WDR20: variants seen among roughly 807,000 people sequenced by gnomAD.
WDR20 encodes WD repeat domain 20, also known as WD repeat-containing protein 20.
WDR20 carries 3 observed loss-of-function variants against 38.7 expected under a neutral mutation model. The ratio of observed to expected loss-of-function variants is 0.08; its 90% CI spans 0.04 to 0.20. The LOEUF is 0.20. WDR20 is among the 10% of genes least tolerant of loss of function. The probability of loss-of-function intolerance (pLI) is 1.00; values close to 1 mark genes in which losing one functional copy is unlikely to be tolerated. For synonymous variants in WDR20, 298 were observed against 285.6 expected (o/e 1.04, Z -0.44); for missense variants, 559 against 727.7 (o/e 0.77, Z 2.67).
At position 102,140,005 on chromosome 14, in the gene WDR20, C is replaced by T. The variant is rs200731683; in HGVS notation, c.82C>T (p.Pro28Ser). 3.0e-4 allele frequency: 491 copies of T among 1,614,252 alleles called. 1 individual carries two copies. The highest frequency in any genetic ancestry group is 7.0e-5 in the Non-Finnish European group (83 of 1,180,034). Residue 28 changes from proline to serine, a missense_variant, in exon 1 of 3, where the codon CCG becomes TCG. Physicochemically the swap from Pro to Ser is moderately conservative, Grantham distance 74. Transcript: ENST00000342702. Reference sequence around the variant, plus strand: ...CCGGGAAGGTCTGTACAAGCTGCTGCCGCACTCGGAGTACAGCCGGCCCAA... The same window carrying T: ...CCGGGAAGGTCTGTACAAGCTGCTGTCGCACTCGGAGTACAGCCGGCCCAA... ...TTREGLYKLL[P>S]HSEYSRPNRV...
chr14:102,199,063 C>A (rs1464439960), intron 2 of WDR20, among the ~76,000 whole-genome samples: 1 of 152,048 alleles, frequency 6.6e-6, no homozygotes, highest in African/African-American at 2.4e-5. Flanking sequence ...GGTCTGAGGC[C>A]TGATTATACT....
chr14:102,208,937 G>T lies in WDR20; in HGVS notation c.767G>T (p.Gly256Val), dbSNP rs758155954. 1.2e-6 allele frequency: 2 copies of T among 1,614,212 alleles called. No individual in the cohort carries two copies. Among genetic ancestry groups the T allele is most frequent in the African/African-American group, 1.3e-5 (1 of 75,046 alleles). Residue 256 changes from glycine (G) to valine (V), a missense_variant, in exon 3 of 3, where the codon GGT becomes GTT. Transcript: ENST00000342702. The surrounding 1 kb of genome is among the most constrained non-coding windows in gnomAD (Gnocchi z 5.6). ...AACTTTGACTCAGTGGAGCTGCACG[G>T]TACGATGAAAAGCTACTTTGGGGGC... The part of the protein sequence containing the change: ...VFNFDSVELH[G>V]TMKSYFGGLL...
chr14:102,153,223 T>C (rs2056507714), intron 1 of WDR20, among the ~76,000 whole-genome samples: 1 of 152,274 alleles, frequency 6.6e-6, no homozygotes, highest in East Asian at 1.9e-4. Flanking sequence ...TGAAAGCTTC[T>C]TGAGGCCTCA....
downstream of WDR20, chr14:102,210,554 T>C (rs2062347681): frequency 2.0e-6 from 2 of 985,418 alleles, no homozygotes; most frequent in African/African-American, 1.7e-5. Flanking sequence ...TGATTGAGGT[T>C]CTGTGTACTA....
intron 1 of WDR20, among the ~76,000 whole-genome samples, chr14:102,168,557 C>T (rs1259566451): frequency 1.3e-5 from 2 of 152,114 alleles, no homozygotes; most frequent in Admixed American, 6.6e-5. Flanking sequence ...AAAATGGCTG[C>T]AGCTTCCCAG....
At chr14:102,163,978 G>A (rs1461342889) in intron 1 of WDR20, among the ~76,000 whole-genome samples, 2 of 152,148 alleles carry the variant, frequency 1.3e-5, no homozygotes, top group South Asian at 2.1e-4. Flanking sequence ...TAGCAAGACT[G>A]AAGGCATTAT....
downstream of WDR20, among the ~76,000 whole-genome samples, chr14:102,210,755 G>A (rs939310048): frequency 5.3e-5 from 8 of 152,068 alleles, no homozygotes; most frequent in Non-Finnish European, 1.0e-4. Context: ...GGTGCGGTGG[G>A]GGAGGGGGAT....
At chr14:102,139,581 G>T, upstream of WDR20, 1 of 719,206 alleles carries the variant, frequency 1.4e-6, no homozygotes, top group Non-Finnish European at 2.2e-6. Context: ...GGTTCCCCCT[G>T]ACCGGCTTTC....
Position 102,209,631 on chromosome 14 carries a change from T to G in WDR20, c.1461T>G (p.Ile487Met), listed in dbSNP as rs747675612. The change falls in exon 3 of 3, where the codon ATT (isoleucine) becomes ATG (methionine). Residue 487 changes from isoleucine to methionine, a missense_variant. Ile to Met is a conservative substitution (Grantham distance 10). Coordinates refer to ENST00000342702, the MANE Select transcript of WDR20 (RefSeq NM_144574.4). This position sits in a 1 kb window ranked among gnomAD's most constrained non-coding sequence, Gnocchi z 6.0. ...AGCGAAATCATAGCATGGGACACAT[T>G]TCTAGCAAGAGCAGTGACAAACTGA... ...DHKRNHSMGH[I>M]SSKSSDKLNL... is the part of the protein sequence containing the mutation. 50 of 1,614,082 alleles carry G rather than the reference T, an allele frequency of 3.1e-5. No homozygotes were observed. The highest frequency in any genetic ancestry group is 2.3e-4 in the Admixed American group (14 of 60,000).
chr14:102,153,025 AT>A (rs950911752), intron 1 of WDR20, among the ~76,000 whole-genome samples: 2 of 152,004 alleles, frequency 1.3e-5, no homozygotes, highest in African/African-American at 4.8e-5. Flanking sequence ...GTGGGAGGTG[AT>A]TAGATCAAGG....
At chr14:102,205,015 G>C (rs2061261485) in intron 2 of WDR20, among the ~76,000 whole-genome samples, 1 of 152,212 alleles carries the variant, frequency 6.6e-6, no homozygotes, top group Admixed American at 6.5e-5. Flanking sequence ...GAGAGGCCAA[G>C]GCAGGAGGAT....
At chr14:102,144,033 A>AAG (rs2052597776) in intron 1 of WDR20, among the ~76,000 whole-genome samples, 2 of 151,744 alleles carry the variant, frequency 1.3e-5, no homozygotes, top group Non-Finnish European at 2.9e-5. Context: ...ATAAAAAAAA[A>AAG]ATTAGCTGGC....
chr14:102,206,885 C>T (rs1201697445), intron 2 of WDR20, among the ~76,000 whole-genome samples: 1 of 151,778 alleles, frequency 6.6e-6, no homozygotes, highest in Non-Finnish European at 1.5e-5. Context: ...CCTCCACCAT[C>T]AAAAAAAAGC....
intron 1 of WDR20, among the ~76,000 whole-genome samples, chr14:102,143,406 A>G (rs1290636974): frequency 6.6e-6 from 1 of 152,204 alleles, no homozygotes; most frequent in African/African-American, 2.4e-5. Context: ...ACATTGATTT[A>G]ATACTGACAC....
At chr14:102,187,701 T>C (rs1661786572) in intron 1 of WDR20, among the ~76,000 whole-genome samples, 2 of 151,824 alleles carry the variant, frequency 1.3e-5, no homozygotes, top group Admixed American at 6.6e-5. Context: ...TTGCATGTGA[T>C]TGGAAATGGG....
rs2061776731 is a variant in WDR20 at position 102,207,572 on chromosome 14, C to T, written c.433-1031C>T. Among the ~76,000 whole-genome samples the T allele has an allele frequency of 6.6e-6, 1 of 152,098 alleles. No homozygotes were observed. The highest frequency in any genetic ancestry group is 2.1e-4 in the South Asian group (1 of 4,822). ...TCCTAAAGGGACACTGTTACTGGGGCGATGGTGCAGTGGAGAGCACTTGGC... is the reference window on the plus strand; with the variant it reads ...TCCTAAAGGGACACTGTTACTGGGGTGATGGTGCAGTGGAGAGCACTTGGC... On this transcript the variant is annotated intron_variant, in intron 2 of 2. Transcript: ENST00000342702. This position sits in a 1 kb window ranked among gnomAD's most constrained non-coding sequence, Gnocchi z 5.0.
chr14:102,149,554 T>C (rs2054974328), intron 1 of WDR20, among the ~76,000 whole-genome samples: 1 of 152,266 alleles, frequency 6.6e-6, no homozygotes, highest in Non-Finnish European at 1.5e-5. Context: ...CTTGTATTTC[T>C]AATTTCAGAA....
At position 102,207,405 on chromosome 14, in the gene WDR20, C is replaced by T. The variant is rs2061743401; in HGVS notation, c.433-1198C>T. Among the ~76,000 whole-genome samples the T allele has an allele frequency of 1.3e-5, 2 of 152,246 alleles. No homozygotes were observed. Among genetic ancestry groups the T allele is most frequent in the Admixed American group, 6.5e-5 (1 of 15,288 alleles). On this transcript the variant is annotated intron_variant, in intron 2 of 2. Transcript: ENST00000342702. This position sits in a 1 kb window ranked among gnomAD's most constrained non-coding sequence, Gnocchi z 5.0. The stretch of plus-strand genomic sequence containing the variant: ...GTAGCACACATGGCGGGCACATGGC[C>T]TCAAAGCCACCCTGGCAGAAGTCGG...
chr14:102,166,534 G>C (rs1318413698), intron 1 of WDR20, among the ~76,000 whole-genome samples: 1 of 152,160 alleles, frequency 6.6e-6, no homozygotes, highest in Non-Finnish European at 1.5e-5. Context: ...ATCAGTTTCT[G>C]ATAGATGTGT....
Sources: gnomAD v4.1 joint callset for allele counts (sites outside exome capture counted in the v4.1 genomes callset) on GRCh38, gnomAD v4.1.1 for gene constraint, Gnocchi (gnomAD v3.1) non-coding constraint, MANE v1.5 for transcripts, NCBI Gene and HGNC (gene_info 2026-07-23, HGNC 2026-07-21) for gene names.